CREB5: variants seen among roughly 807,000 people sequenced by gnomAD.
CREB5 encodes the protein cyclic AMP-responsive element-binding protein 5.
CREB5 carries 19 observed loss-of-function variants against 57.1 expected under a neutral mutation model. The observed-to-expected ratio is 0.33, with a 90% CI of 0.23 to 0.49. The LOEUF is 0.49. CREB5 is among the 20% of genes least tolerant of loss of function. The pLI, the probability that CREB5 is intolerant of heterozygous loss-of-function variation, is 0.99. For missense variants in CREB5, 579 were observed against 671.6 expected (o/e 0.86, Z 1.52); for synonymous variants, 238 against 238.3 (o/e 1.00, Z 0.01).
chr7:28,383,671 C>T (rs150121244), intron 1 of CREB5, among the ~76,000 whole-genome samples: 6 of 152,212 alleles, frequency 3.9e-5, no homozygotes, highest in East Asian at 3.9e-4. Context: ...AGCATCAAGG[C>T]GATGGTGCTA....
intron 5 of CREB5, among the ~76,000 whole-genome samples, chr7:28,593,793 C>G (rs1012101434): frequency 6.6e-6 from 1 of 152,184 alleles, no homozygotes; most frequent in Admixed American, 6.5e-5. Context: ...CCAGAATGTG[C>G]TGACTTAGCC....
rs1810004904 is a variant in CREB5 at position 28,825,384 on chromosome 7, A to G, written c.*6105A>G. The G allele has an allele frequency of 6.6e-6, 1 of 152,432 alleles. No homozygotes were observed. Among genetic ancestry groups the G allele is most frequent in the South Asian group, 2.1e-4 (1 of 4,830 alleles). 9.4% of individuals were successfully genotyped at this position (152,432 alleles called of 1,614,324 possible). Reference sequence around the variant, plus strand: ...TTGAAATGTTCTCTCTAGAGAGGACATAGGGTTTGGGATCCTCTGAAAAGG... The same window carrying G: ...TTGAAATGTTCTCTCTAGAGAGGACGTAGGGTTTGGGATCCTCTGAAAAGG... On this transcript the variant is annotated 3_prime_UTR_variant, in exon 11 of 11. Transcript: ENST00000357727.
intron 4 of CREB5, among the ~76,000 whole-genome samples, chr7:28,512,205 G>A (rs1274676566): frequency 6.6e-6 from 1 of 152,188 alleles, no homozygotes; most frequent in Admixed American, 6.5e-5. Flanking sequence ...TGGAATTCAA[G>A]GGAGAAGACC....
intron 7 of CREB5, among the ~76,000 whole-genome samples, chr7:28,801,539 A>G (rs1164781306): frequency 6.6e-6 from 1 of 152,212 alleles, no homozygotes; most frequent in Admixed American, 6.5e-5. Flanking sequence ...GTCAAATAAA[A>G]GTTTTTAAAA....
chr7:28,560,957 T>TGTGTGCGCGTGTGCGCGCGTGCGC (rs1562798107), intron 4 of CREB5, among the ~76,000 whole-genome samples: 1 of 43,438 alleles, frequency 2.3e-5, no homozygotes, highest in Non-Finnish European at 4.4e-5. Context: ...TGTGCGTGTG[T>TGTGTGCGCGTGTGCGCGCGTGCGC]GTGCGTGTGT....
chr7:28,361,627 C>T (rs1469416289), intron 1 of CREB5, among the ~76,000 whole-genome samples: 2 of 152,212 alleles, frequency 1.3e-5, no homozygotes, highest in Non-Finnish European at 2.9e-5. Context: ...CTGGGGCCTG[C>T]TTTCAAACTC....
chr7:28,524,302 C>A (rs1417109834), intron 4 of CREB5, among the ~76,000 whole-genome samples: 4 of 144,430 alleles, frequency 2.8e-5, no homozygotes, highest in African/African-American at 1.0e-4. Flanking sequence ...CATGGTGAAA[C>A]CTCGCCTCTA....
intron 1 of CREB5, among the ~76,000 whole-genome samples, chr7:28,415,995 A>G (rs42716): frequency 0.93 from 141,302 of 152,188 alleles, 65,686 homozygotes; most frequent in East Asian, 0.99. Flanking sequence ...AAACTTGACC[A>G]ATCATAACCA....
intron 5 of CREB5, among the ~76,000 whole-genome samples, chr7:28,704,446 T>C (rs1802008114): frequency 6.6e-6 from 1 of 152,152 alleles, no homozygotes; most frequent in Non-Finnish European, 1.5e-5. Flanking sequence ...GACGTGTTGC[T>C]TCCCTGAAAT....
chr7:28,368,351 A>C (rs1786632683), intron 1 of CREB5, among the ~76,000 whole-genome samples: 1 of 152,210 alleles, frequency 6.6e-6, no homozygotes, highest in Non-Finnish European at 1.5e-5. Flanking sequence ...CCATGTAACC[A>C]AAAACCACCT....
chr7:28,733,575 T>C (rs935866470), intron 7 of CREB5, among the ~76,000 whole-genome samples: 2 of 152,192 alleles, frequency 1.3e-5, no homozygotes, highest in Non-Finnish European at 2.9e-5. Context: ...TGAAGTCTTC[T>C]TGCCTTCCCC....
chr7:28,382,672 T>G (rs1786989257), intron 1 of CREB5, among the ~76,000 whole-genome samples: 1 of 152,124 alleles, frequency 6.6e-6, no homozygotes, highest in Non-Finnish European at 1.5e-5. Context: ...TCAGCCCCGG[T>G]TGGTGCTCTC....
At chr7:28,625,448 A>G (rs1301394483) in intron 5 of CREB5, among the ~76,000 whole-genome samples, 1 of 152,194 alleles carries the variant, frequency 6.6e-6, no homozygotes, top group Non-Finnish European at 1.5e-5. Flanking sequence ...GAACTCCAAA[A>G]AAAAGGCATT....
intron 6 of CREB5, among the ~76,000 whole-genome samples, chr7:28,721,872 G>T (rs2237347): frequency 0.9 from 137,466 of 152,246 alleles, 62,160 homozygotes; most frequent in African/African-American, 0.95. Flanking sequence ...ACTACAGACA[G>T]GCTAGCTCCT....
intron 7 of CREB5, among the ~76,000 whole-genome samples, chr7:28,739,296 T>G (rs1804205707): frequency 6.6e-6 from 1 of 152,028 alleles, no homozygotes; most frequent in Non-Finnish European, 1.5e-5. Context: ...CTACATGAGG[T>G]CAGAGGCTAG....
At position 28,573,159 on chromosome 7, in the gene CREB5, CTT is replaced by C. The variant is rs572816257; in HGVS notation, c.464+2625_464+2626del. On this transcript the variant is annotated intron_variant, in intron 5 of 10. Coordinates refer to ENST00000357727, the MANE Select transcript of CREB5 (RefSeq NM_182898.4). Reference sequence around the variant, plus strand: ...TGGTAACATTTGGGGACGGTTGACTCTTTTATTTCTCTCAGGAAAGAGGAAAT... The same window carrying C: ...TGGTAACATTTGGGGACGGTTGACTCTTATTTCTCTCAGGAAAGAGGAAAT... Among the ~76,000 whole-genome samples, 10 of 152,280 alleles carry C rather than the reference CTT, an allele frequency of 6.6e-5. No homozygotes were observed. In the East Asian group the frequency reaches 1.5e-3, roughly 24 times the overall value.
At chr7:28,787,709 C>T (rs1807415959) in intron 7 of CREB5, among the ~76,000 whole-genome samples, 1 of 152,154 alleles carries the variant, frequency 6.6e-6, no homozygotes, top group African/African-American at 2.4e-5. Flanking sequence ...CATGTACCAC[C>T]ACACCTGGCT....
intron 7 of CREB5, among the ~76,000 whole-genome samples, chr7:28,777,894 C>T (rs35341608): frequency 0.25 from 38,557 of 152,070 alleles, 5,673 homozygotes; most frequent in Non-Finnish European, 0.34. Flanking sequence ...TACTCAGAGA[C>T]GACTATTGTC....
intron 1 of CREB5, among the ~76,000 whole-genome samples, chr7:28,396,463 A>G (rs1787337675): frequency 1.3e-5 from 2 of 152,186 alleles, no homozygotes; most frequent in Non-Finnish European, 2.9e-5. Flanking sequence ...TCTATAATAT[A>G]TACTAATCTA....
Sources: allele counts gnomAD v4.1 joint callset (sites outside exome capture counted in the v4.1 genomes callset), GRCh38; gene constraint gnomAD v4.1.1; transcripts MANE v1.5; gene names NCBI Gene and HGNC (gene_info 2026-07-23, HGNC 2026-07-21).